The following ATF6 variants were observed in gnomAD, a reference collection of about 807,000 sequenced individuals.
ATF6 encodes the protein activating transcription factor 6.
In ATF6, 53 loss-of-function variants were observed where a neutral mutation model predicts 83.6. That is an observed-to-expected ratio of 0.63 (90% CI 0.51 to 0.80). ATF6 has a LOEUF of 0.80. Among genes scored for constraint, ATF6 ranks in the 30% least tolerant of loss-of-function variants. The probability of loss-of-function intolerance (pLI) is 0.00; values close to 1 mark genes in which losing one functional copy is unlikely to be tolerated. For missense variants in ATF6, 744 were observed against 797.9 expected (o/e 0.93, Z 0.81); for synonymous variants, 288 against 285.8 (o/e 1.01, Z -0.08).
chr1:161,922,759 A>G (rs183387880), intron 15 of ATF6, among the ~76,000 whole-genome samples: 37 of 152,204 alleles, frequency 2.4e-4, no homozygotes. Flanking sequence ...AGGATTTGTC[A>G]GAAGACCAGT....
intron 14 of ATF6, chr1:161,890,931 C>G (rs940808660): frequency 7.2e-5 from 11 of 152,254 alleles, no homozygotes; most frequent in African/African-American, 1.7e-4. Context: ...CTCGACGCCT[C>G]TAGAAGCCAT....
chr1:161,783,797 A>G (rs1684688000), intron 3 of ATF6, among the ~76,000 whole-genome samples, 193 bp from the exon 4 acceptor site: 1 of 151,880 alleles, frequency 6.6e-6, no homozygotes, highest in South Asian at 2.1e-4. Flanking sequence ...ACATATATAT[A>G]TAATTTGTAA....
intron 14 of ATF6, among the ~76,000 whole-genome samples, chr1:161,874,743 G>A (rs1370043261): frequency 6.6e-6 from 1 of 151,624 alleles, no homozygotes; most frequent in African/African-American, 2.4e-5. Context: ...TCTAGTAGAG[G>A]TAGGAGCAAT....
intron 15 of ATF6, among the ~76,000 whole-genome samples, chr1:161,935,354 G>A (rs146839083): frequency 2.4e-3 from 362 of 152,286 alleles, no homozygotes; most frequent in African/African-American, 8.3e-3. Context: ...CATGGGATTA[G>A]TGCTCTCATA....
intron 7 of ATF6, among the ~76,000 whole-genome samples, chr1:161,809,152 G>A (rs1014410892): frequency 2.6e-5 from 4 of 152,032 alleles, no homozygotes; most frequent in East Asian, 1.9e-4. Flanking sequence ...CCATTAACTC[G>A]TGATTTACAT....
intron 15 of ATF6, among the ~76,000 whole-genome samples, chr1:161,915,624 C>CT (rs201891219): frequency 0.1 from 14,807 of 145,734 alleles, 1,260 homozygotes; most frequent in East Asian, 0.32. Context: ...ATACAAATGT[C>CT]TTTTTTTTTT....
At chr1:161,922,760 G>A (rs1477018620) in intron 15 of ATF6, among the ~76,000 whole-genome samples, 13 of 152,076 alleles carry the variant, frequency 8.5e-5, no homozygotes, top group Admixed American at 8.5e-4. Context: ...GGATTTGTCA[G>A]AAGACCAGTA....
chr1:161,796,431 G>T (rs991195129), intron 6 of ATF6, among the ~76,000 whole-genome samples: 1 of 152,142 alleles, frequency 6.6e-6, no homozygotes, highest in African/African-American at 2.4e-5. Context: ...TTAAGTCAGT[G>T]GTTCTCAGTC....
chr1:161,798,418 C>T (rs1247947186), intron 6 of ATF6, among the ~76,000 whole-genome samples: 3 of 152,144 alleles, frequency 2.0e-5, no homozygotes, highest in Non-Finnish European at 4.4e-5. Context: ...TCAAGACCAA[C>T]CTGGCCAATA....
chr1:161,821,601 A>G (rs2101786417), intron 9 of ATF6, among the ~76,000 whole-genome samples: 1 of 152,354 alleles, frequency 6.6e-6, no homozygotes, highest in East Asian at 1.9e-4. Context: ...AGGCACAGTT[A>G]TGAAATGGCA....
At chr1:161,786,800 A>G (rs1684758467) in intron 4 of ATF6, among the ~76,000 whole-genome samples, 1 of 152,192 alleles carries the variant, frequency 6.6e-6, no homozygotes, top group African/African-American at 2.4e-5. Context: ...ACTATAATCT[A>G]ACCTTCAGCT....
intron 11 of ATF6, 90 bp from the exon 12 acceptor site, chr1:161,853,134 T>C: frequency 1.1e-6 from 1 of 928,176 alleles, no homozygotes; most frequent in Non-Finnish European, 1.6e-6. Flanking sequence ...AACCTACAAA[T>C]GATTAGATTC....
intron 15 of ATF6, among the ~76,000 whole-genome samples, chr1:161,928,416 A>G (rs1688363271): frequency 6.6e-6 from 1 of 152,202 alleles, no homozygotes; most frequent in Admixed American, 6.5e-5. Context: ...TGGAGTTTCC[A>G]TGATAAACCA....
intron 15 of ATF6, among the ~76,000 whole-genome samples, chr1:161,918,136 T>C (rs1296549168): frequency 6.6e-6 from 1 of 152,198 alleles, no homozygotes; most frequent in Non-Finnish European, 1.5e-5. Flanking sequence ...TTGGGAGCAG[T>C]ATAACATAAT....
At chr1:161,816,563 A>G (rs1685618559) in intron 7 of ATF6, among the ~76,000 whole-genome samples, 1 of 152,204 alleles carries the variant, frequency 6.6e-6, no homozygotes, top group African/African-American at 2.4e-5. Context: ...TGGCCCTTCT[A>G]CTGTCTTAAC....
At chr1:161,818,148 A>G (rs1057395132) in intron 7 of ATF6, among the ~76,000 whole-genome samples, 19 of 151,622 alleles carry the variant, frequency 1.3e-4, no homozygotes, top group African/African-American at 4.6e-4. Flanking sequence ...AACTTTATTT[A>G]CTGGTCTCAG....
chr1:161,906,958 A>G (rs574052225), intron 14 of ATF6, among the ~76,000 whole-genome samples: 1 of 152,326 alleles, frequency 6.6e-6, no homozygotes, highest in African/African-American at 2.4e-5. Flanking sequence ...TTAAATGATT[A>G]CATTCTACTT....
chr1:161,912,182 C>G, intron 14 of ATF6, 114 bp from the exon 15 acceptor site: 1 of 569,644 alleles, frequency 1.8e-6, no homozygotes, highest in Non-Finnish European at 3.0e-6. Context: ...CAAATAAAAA[C>G]TATAATTTTT....
chr1:161,834,459 A>G (rs200861684), intron 9 of ATF6, among the ~76,000 whole-genome samples: 3 of 152,228 alleles, frequency 2.0e-5, no homozygotes, highest in African/African-American at 7.2e-5. Context: ...AAAAAGATGA[A>G]TTCATGTCCT....
Sources: allele counts gnomAD v4.1 joint callset (sites outside exome capture counted in the v4.1 genomes callset), GRCh38; gene constraint gnomAD v4.1.1; transcripts MANE v1.5; gene names NCBI Gene and HGNC (gene_info 2026-07-23, HGNC 2026-07-21).